Variants in KCNIP4 observed in about 807,000 individuals in gnomAD.
The protein encoded by KCNIP4 is potassium voltage-gated channel interacting protein 4, also known as Kv channel-interacting protein 4.
A neutral mutation model predicts 34.0 loss-of-function variants in KCNIP4; 12 were observed. That is an observed-to-expected ratio of 0.35 (90% CI 0.23 to 0.57). KCNIP4 has a LOEUF of 0.57. KCNIP4 is among the 20% of genes least tolerant of loss of function. The pLI, the probability that KCNIP4 is intolerant of heterozygous loss-of-function variation, is 0.83. For synonymous variants in KCNIP4, 124 were observed against 102.2 expected (o/e 1.21, Z -1.29); for missense variants, 238 against 311.7 (o/e 0.76, Z 1.78).
At chr4:21,335,825 T>C (rs1716122392) in intron 1 of KCNIP4, among the ~76,000 whole-genome samples, 1 of 152,154 alleles carries the variant, frequency 6.6e-6, no homozygotes. Context: ...TATGAAATGT[T>C]TAGCTTGTAG....
intron 1 of KCNIP4, among the ~76,000 whole-genome samples, chr4:21,863,743 G>A (rs1009791175): frequency 6.6e-6 from 1 of 152,152 alleles, no homozygotes; most frequent in African/African-American, 2.4e-5. Context: ...TGAGCTCCTA[G>A]ATCCAACCAT....
intron 1 of KCNIP4, among the ~76,000 whole-genome samples, chr4:21,217,893 T>C (rs191485555): frequency 1.7e-4 from 26 of 152,030 alleles, no homozygotes; most frequent in African/African-American, 6.0e-4. Context: ...GTTAATTATA[T>C]AGATTTTGAA....
chr4:21,798,533 G>A (rs372986360), intron 1 of KCNIP4, among the ~76,000 whole-genome samples: 53 of 104,624 alleles, frequency 5.1e-4, no homozygotes, highest in Admixed American at 8.5e-4. Flanking sequence ...AAAAAAAAAA[G>A]GAAAGAGAGA....
rs905386957 is a variant in KCNIP4, at chr4:21,930,496, C to A, written c.61+18075G>T. ...AGTTTAAACTCCTCAGTCATAAAAG[C>A]AAGGCTCTGAAATAGTCTACTACCA... On this transcript the variant is annotated intron_variant, in intron 1 of 8. Transcript: ENST00000382152. Among the ~76,000 whole-genome samples the A allele has an allele frequency of 2.0e-5, 3 of 152,208 alleles. No homozygotes were observed. In the South Asian group the frequency reaches 6.2e-4, roughly 31 times the overall value.
intron 1 of KCNIP4, among the ~76,000 whole-genome samples, chr4:21,828,318 TAAAC>T (rs1251395517): frequency 6.6e-6 from 1 of 151,610 alleles, no homozygotes; most frequent in South Asian, 2.1e-4. Flanking sequence ...GAAGGACAGA[TAAAC>T]AAAGACAGAG....
At chr4:21,223,932 G>T (rs894169038) in intron 1 of KCNIP4, among the ~76,000 whole-genome samples, 11 of 152,004 alleles carry the variant, frequency 7.2e-5, no homozygotes, top group African/African-American at 2.2e-4. Context: ...GGAGGTCACG[G>T]TTGACCCTAT....
chr4:21,233,356 C>G (rs1441708894), intron 1 of KCNIP4, among the ~76,000 whole-genome samples: 1 of 152,078 alleles, frequency 6.6e-6, no homozygotes, highest in Non-Finnish European at 1.5e-5. Flanking sequence ...CTACTAAATA[C>G]TTCCTCACTG....
rs28433764 is a variant in KCNIP4 at position 21,300,063 on chromosome 4, T to C, written c.62-417354A>G. Among the ~76,000 whole-genome samples, 1,408 of 152,284 alleles carry C rather than the reference T, an allele frequency of 9.2e-3. 17 individuals carry two copies. Among genetic ancestry groups the C allele is most frequent in the African/African-American group, 0.032 (1,320 of 41,556 alleles). ...ACTTTTTTCAAGTCATGTGTGATAA[T>C]GCATTTTTGTGAAATTTTGCTTTTA... is the stretch of plus-strand genomic sequence containing the variant. On this transcript the variant is annotated intron_variant, in intron 1 of 8. Transcript: ENST00000382152.
At chr4:21,141,933 C>T (rs181549373) in intron 1 of KCNIP4, among the ~76,000 whole-genome samples, 2 of 151,150 alleles carry the variant, frequency 1.3e-5, no homozygotes, top group Non-Finnish European at 2.9e-5. Flanking sequence ...GTGTGGATCA[C>T]GAGGTCAGAA....
chr4:20,882,575 G>A (rs532975057), intron 2 of KCNIP4, 33 bp downstream of exon 2: 32 of 1,454,656 alleles, frequency 2.2e-5, no homozygotes, highest in Admixed American at 8.5e-5. Context: ...CAAGAGTTTC[G>A]GAGGAAAAAA....
rs150257898 is a variant in KCNIP4, at chr4:21,703,847, A to T, written c.61+244724T>A. ...GACAAGATTTTTCAAAAAAATGTAT[A>T]TAGATGTACAAAGGAACTAGAATAG... On this transcript the variant is annotated intron_variant, in intron 1 of 8. Coordinates refer to ENST00000382152, the MANE Select transcript of KCNIP4 (RefSeq NM_025221.6). Among the ~76,000 whole-genome samples the T allele has an allele frequency of 3.0e-3, 456 of 152,342 alleles. 2 individuals carry two copies. Among genetic ancestry groups the T allele is most frequent in the African/African-American group, 0.01 (419 of 41,588 alleles).
intron 1 of KCNIP4, among the ~76,000 whole-genome samples, chr4:21,869,702 C>T (rs1458072406): frequency 6.6e-6 from 1 of 151,472 alleles, no homozygotes; most frequent in Admixed American, 6.6e-5. Context: ...TGCTCTTCCC[C>T]CCCACCGCCA....
intron 1 of KCNIP4, among the ~76,000 whole-genome samples, chr4:21,598,705 G>A (rs1434628203): frequency 6.6e-6 from 1 of 151,928 alleles, no homozygotes; most frequent in African/African-American, 2.4e-5. Context: ...AGATTTTTAA[G>A]CTAAAAATGT....
chr4:20,915,875 T>C (rs915182669), intron 1 of KCNIP4, among the ~76,000 whole-genome samples: 1 of 152,244 alleles, frequency 6.6e-6, no homozygotes, highest in Non-Finnish European at 1.5e-5. Flanking sequence ...ATCAATGAGA[T>C]TAAATGTTGC....
At chr4:21,899,413 T>C (rs914684595) in intron 1 of KCNIP4, among the ~76,000 whole-genome samples, 1 of 152,034 alleles carries the variant, frequency 6.6e-6, no homozygotes, top group Non-Finnish European at 1.5e-5. Context: ...TGTTATACAA[T>C]ATAGTACTAG....
At chr4:21,035,832 T>C (rs902169095) in intron 1 of KCNIP4, among the ~76,000 whole-genome samples, 3 of 152,174 alleles carry the variant, frequency 2.0e-5, no homozygotes, top group Non-Finnish European at 4.4e-5. Context: ...GGAGCAAGGA[T>C]GGCCCTTGCA....
In KCNIP4 at chr4:20,728,972, AGTT is replaced by A. The variant is rs1012346224; in HGVS notation, c.*1107_*1109del. The A allele has an allele frequency of 5.3e-5, 8 of 152,256 alleles. No individual in the cohort carries two copies. Among genetic ancestry groups the A allele is most frequent in the Admixed American group, 5.2e-4 (8 of 15,268 alleles). The allele number at this position is 152,256 out of a possible 1,614,324, so 9.4% of individuals were successfully genotyped here. A position where few individuals can be genotyped will look rare whatever the true frequency, so the allele number is the denominator to read the frequency against. ...GCTAAATCATACTGTAATCTGGATT[AGTT>A]GTTGAGCACTTATTTTCTACTAAAT... On this transcript the variant is annotated 3_prime_UTR_variant, in exon 9 of 9. Coordinates refer to ENST00000382152, the MANE Select transcript of KCNIP4 (RefSeq NM_025221.6).
chr4:21,321,783 GAGGA>G (rs374589684), intron 1 of KCNIP4, among the ~76,000 whole-genome samples: 1 of 143,362 alleles, frequency 7.0e-6, no homozygotes, highest in South Asian at 2.2e-4. Context: ...GGGAGGGAGA[GAGGA>G]AGGAAGGAGG....
At chr4:21,032,613 C>T (rs1741120256) in intron 1 of KCNIP4, among the ~76,000 whole-genome samples, 1 of 152,050 alleles carries the variant, frequency 6.6e-6, no homozygotes, top group Admixed American at 6.6e-5. Flanking sequence ...AAATTGCTGC[C>T]TCATGCTTAA....
Sources: allele counts gnomAD v4.1 joint callset (sites outside exome capture counted in the v4.1 genomes callset), GRCh38; gene constraint gnomAD v4.1.1; transcripts MANE v1.5; gene names NCBI Gene and HGNC (gene_info 2026-07-23, HGNC 2026-07-21).